The following SAMD5 variants were observed in gnomAD, a reference collection of about 807,000 sequenced individuals.
The protein encoded by SAMD5 is sterile alpha motif domain containing 5.
SAMD5 carries 13 observed loss-of-function variants against 11.3 expected under a neutral mutation model. The ratio of observed to expected loss-of-function variants is 1.15; its 90% CI spans 0.75 to 1.83. The LOEUF is 1.83. SAMD5 is among the 40% of genes most tolerant of loss of function. SAMD5 has a pLI of 0.00. For missense variants in SAMD5, 255 were observed against 239.1 expected, an observed-to-expected ratio of 1.07 and a Z score of -0.44; for synonymous variants, 129 against 111.3, an observed-to-expected ratio of 1.16 and a Z score of -1.00.
the SAMD5 span, among the ~76,000 whole-genome samples, chr6:147,834,568 C>T: frequency 6.6e-6 from 1 of 152,180 alleles, no homozygotes; most frequent in Non-Finnish European, 1.5e-5. Flanking sequence ...GGGGTTCGGA[C>T]ACTGATATGT....
chr6:147,855,383 G>A, the SAMD5 span, among the ~76,000 whole-genome samples: 2 of 152,116 alleles, frequency 1.3e-5, no homozygotes, highest in African/African-American at 2.4e-5. Context: ...ATCTGAAAGC[G>A]AGGGAGGCTT....
At chr6:147,720,425 T>A (rs1369080830) in intron 1 of SAMD5, among the ~76,000 whole-genome samples, 2 of 151,204 alleles carry the variant, frequency 1.3e-5, no homozygotes, top group African/African-American at 2.4e-5. Flanking sequence ...ATAGCGCCAC[T>A]GCACTCCAGC....
At chr6:147,543,503 C>T (rs1788638432) in intron 1 of SAMD5, among the ~76,000 whole-genome samples, 1 of 152,108 alleles carries the variant, frequency 6.6e-6, no homozygotes, top group South Asian at 2.1e-4. Context: ...CCACATTATG[C>T]AGGATATACT....
intron 1 of SAMD5, among the ~76,000 whole-genome samples, chr6:147,697,816 C>T (rs531924576): frequency 5.3e-5 from 8 of 152,146 alleles, no homozygotes; most frequent in East Asian, 3.9e-4. Context: ...TCAGTTCCTG[C>T]GGATGGAACT....
At chr6:147,923,016 A>G in the SAMD5 span, among the ~76,000 whole-genome samples, 1 of 151,996 alleles carries the variant, frequency 6.6e-6, no homozygotes, top group Non-Finnish European at 1.5e-5. Context: ...CGCGAATAAC[A>G]TTTCCATTAG....
At chr6:147,796,442 C>T in the SAMD5 span, among the ~76,000 whole-genome samples, 1 of 152,078 alleles carries the variant, frequency 6.6e-6, no homozygotes, top group Non-Finnish European at 1.5e-5. Context: ...GTTTTTGTAC[C>T]AGTACCATGC....
At chr6:147,551,862 A>G (rs1200403440) in intron 1 of SAMD5, among the ~76,000 whole-genome samples, 4 of 141,038 alleles carry the variant, frequency 2.8e-5, no homozygotes, top group African/African-American at 1.0e-4. Flanking sequence ...TAACATTTTA[A>G]TTTATATATA....
the SAMD5 span, among the ~76,000 whole-genome samples, chr6:147,788,447 A>AT: frequency 6.6e-6 from 1 of 152,206 alleles, no homozygotes; most frequent in African/African-American, 2.4e-5. Flanking sequence ...AAGTATTTGC[A>AT]TTTTTTCCCA....
At chr6:147,615,232 C>A (rs1789848260) in intron 1 of SAMD5, among the ~76,000 whole-genome samples, 1 of 150,194 alleles carries the variant, frequency 6.7e-6, no homozygotes, top group Non-Finnish European at 1.5e-5. Flanking sequence ...TAAAAGTATA[C>A]ACGTAGAACA....
chr6:147,932,449 G>T, the SAMD5 span, among the ~76,000 whole-genome samples: 1 of 152,080 alleles, frequency 6.6e-6, no homozygotes, highest in Admixed American at 6.5e-5. Context: ...GTCATCAAAG[G>T]GTATTCTACT....
chr6:147,939,000 A>G, the SAMD5 span, among the ~76,000 whole-genome samples: 1 of 152,214 alleles, frequency 6.6e-6, no homozygotes, highest in Non-Finnish European at 1.5e-5. Context: ...TAGGGCACCC[A>G]CACTCTCTGA....
chr6:147,801,094 G>A, the SAMD5 span, among the ~76,000 whole-genome samples: 5 of 151,920 alleles, frequency 3.3e-5, no homozygotes, highest in African/African-American at 1.2e-4. Context: ...CTCCACATAC[G>A]GTGCTCCTTT....
chr6:147,833,972 T>A, the SAMD5 span, among the ~76,000 whole-genome samples: 4 of 152,208 alleles, frequency 2.6e-5, no homozygotes, highest in Non-Finnish European at 5.9e-5. Flanking sequence ...ACATTAACTT[T>A]CAATTTCATG....
the SAMD5 span, among the ~76,000 whole-genome samples, chr6:147,830,158 A>G: frequency 2.6e-5 from 4 of 152,062 alleles, no homozygotes; most frequent in South Asian, 8.3e-4. Context: ...CAGTAGCAAT[A>G]GAATTGGAGA....
chr6:147,853,080 C>G, the SAMD5 span, among the ~76,000 whole-genome samples: 1 of 152,142 alleles, frequency 6.6e-6, no homozygotes, highest in Non-Finnish European at 1.5e-5. Flanking sequence ...TTAGATTGTA[C>G]AGATTCTGAT....
At chr6:147,538,373 C>A (rs1353254447) in intron 1 of SAMD5, among the ~76,000 whole-genome samples, 1 of 152,142 alleles carries the variant, frequency 6.6e-6, no homozygotes, top group African/African-American at 2.4e-5. Context: ...AAATTATATT[C>A]CCTCTAACAA....
At chr6:147,935,325 A>G in the SAMD5 span, among the ~76,000 whole-genome samples, 1 of 152,180 alleles carries the variant, frequency 6.6e-6, no homozygotes, top group Non-Finnish European at 1.5e-5. Context: ...ATGAAGCTTA[A>G]AGGGGTTAAT....
chr6:147,809,795 G>T, the SAMD5 span, among the ~76,000 whole-genome samples: 18 of 152,296 alleles, frequency 1.2e-4, no homozygotes, highest in Non-Finnish European at 2.5e-4. Flanking sequence ...GGTTGTGAGG[G>T]CTGTCCTGTG....
At chr6:147,728,715 G>A (rs1054818461) in intron 1 of SAMD5, among the ~76,000 whole-genome samples, 27 of 152,142 alleles carry the variant, frequency 1.8e-4, no homozygotes, top group African/African-American at 6.5e-4. Flanking sequence ...TTAAAAAATA[G>A]GCCAGTCTAA....
Sources: allele counts gnomAD v4.1 joint callset (sites outside exome capture counted in the v4.1 genomes callset), GRCh38; gene constraint gnomAD v4.1.1; transcripts MANE v1.5; gene names NCBI Gene and HGNC (gene_info 2026-07-23, HGNC 2026-07-21).